PDE7A: variants seen among roughly 807,000 people sequenced by gnomAD.
PDE7A encodes high affinity 3',5'-cyclic-AMP phosphodiesterase 7A.
A neutral mutation model predicts 64.3 loss-of-function variants in PDE7A; 39 were observed. That is an observed-to-expected ratio of 0.61 (90% CI 0.47 to 0.79). The LOEUF (loss-of-function observed/expected upper bound fraction) is 0.79, where lower values mean the gene tolerates loss of function less well. Among genes scored for constraint, PDE7A ranks in the 30% least tolerant of loss-of-function variants. The pLI, the probability that PDE7A is intolerant of heterozygous loss-of-function variation, is 0.00. For synonymous variants in PDE7A, 203 were observed against 206.8 expected, an observed-to-expected ratio of 0.98 and a Z score of 0.16; for missense variants, 470 against 582.8, an observed-to-expected ratio of 0.81 and a Z score of 1.99.
intron 2 of PDE7A, among the ~76,000 whole-genome samples, chr8:65,781,620 A>G (rs149866301): frequency 1.5e-3 from 230 of 152,272 alleles, no homozygotes; most frequent in African/African-American, 5.2e-3. Flanking sequence ...AAGAAATAGG[A>G]AGTAAAAAAA....
intron 12 of PDE7A, 151 bp downstream of exon 12, chr8:65,723,390 T>C: frequency 1.4e-6 from 1 of 704,590 alleles, no homozygotes; most frequent in Non-Finnish European, 2.0e-6. Flanking sequence ...AGAAGAGCCA[T>C]AACAAGGGAA....
rs1806089391 is a variant in PDE7A, at chr8:65,715,351, CAA to C, written c.*3937_*3938del. ...AAGAGTTCAAGACCAGCCAAGCCAA[CAA>C]AGAGAGACCCTGTCTCTATAAAAAA... On this transcript the variant is annotated 3_prime_UTR_variant, in exon 13 of 13. Coordinates refer to ENST00000401827, the MANE Select transcript of PDE7A (RefSeq NM_001242318.3). Among the ~76,000 whole-genome samples, 1 of 149,888 alleles carries C rather than the reference CAA, an allele frequency of 6.7e-6. No homozygotes were observed. Among genetic ancestry groups the C allele is most frequent in the Non-Finnish European group, 1.5e-5 (1 of 67,538 alleles).
At chr8:65,831,757 G>T (rs1366230604) in intron 1 of PDE7A, among the ~76,000 whole-genome samples, 1 of 152,104 alleles carries the variant, frequency 6.6e-6, no homozygotes, top group African/African-American at 2.4e-5. Context: ...AACAGTCACT[G>T]GTTGAGAATT....
chr8:65,816,663 T>A (rs1297044489), intron 1 of PDE7A, among the ~76,000 whole-genome samples: 1 of 152,254 alleles, frequency 6.6e-6, no homozygotes, highest in Non-Finnish European at 1.5e-5. Flanking sequence ...TTTGAATATG[T>A]CACCCCACTG....
intron 1 of PDE7A, among the ~76,000 whole-genome samples, chr8:65,791,786 T>G (rs991642230): frequency 1.2e-4 from 18 of 152,236 alleles, no homozygotes; most frequent in African/African-American, 4.3e-4. Flanking sequence ...ATGACACATT[T>G]ACATCACTCA....
chr8:65,828,721 T>G (rs943539972), intron 1 of PDE7A, among the ~76,000 whole-genome samples: 3 of 152,146 alleles, frequency 2.0e-5, no homozygotes, highest in Non-Finnish European at 4.4e-5. Flanking sequence ...ATAAGATTAC[T>G]CATTTTCTTA....
At chr8:65,751,784 G>C (rs939052352) in intron 3 of PDE7A, among the ~76,000 whole-genome samples, 18 of 152,098 alleles carry the variant, frequency 1.2e-4, no homozygotes, top group African/African-American at 4.1e-4. Flanking sequence ...GAGCCACTGC[G>C]CCCAGCCCTT....
intron 1 of PDE7A, among the ~76,000 whole-genome samples, chr8:65,784,720 C>T (rs994378311): frequency 6.6e-6 from 1 of 151,528 alleles, no homozygotes; most frequent in Admixed American, 6.6e-5. Context: ...CCTCTACTAT[C>T]CTCCCACCAA....
At chr8:65,802,194 A>G (rs962269935) in intron 1 of PDE7A, among the ~76,000 whole-genome samples, 3 of 152,170 alleles carry the variant, frequency 2.0e-5, no homozygotes, top group African/African-American at 4.8e-5. Flanking sequence ...ATAGCAAGTT[A>G]TTGTTTAAGG....
chr8:65,817,743 T>A (rs1263902995), intron 1 of PDE7A, among the ~76,000 whole-genome samples: 1 of 134,520 alleles, frequency 7.4e-6, no homozygotes, highest in African/African-American at 2.7e-5. Flanking sequence ...TCTCATCATA[T>A]CAAGGAGTGT....
intron 1 of PDE7A, among the ~76,000 whole-genome samples, chr8:65,834,579 C>T (rs1286844891): frequency 6.6e-6 from 1 of 152,194 alleles, no homozygotes; most frequent in Non-Finnish European, 1.5e-5. Context: ...TCCTGAACTA[C>T]ACTTTGTTCT....
At chr8:65,830,200 A>G (rs1810780990) in intron 1 of PDE7A, among the ~76,000 whole-genome samples, 1 of 152,018 alleles carries the variant, frequency 6.6e-6, no homozygotes, top group South Asian at 2.1e-4. Flanking sequence ...TCATGTTGAG[A>G]AAGTTAATTA....
chr8:65,809,529 T>C (rs184190205), intron 1 of PDE7A, among the ~76,000 whole-genome samples: 6 of 152,264 alleles, frequency 3.9e-5, no homozygotes, highest in Non-Finnish European at 7.4e-5. Flanking sequence ...GTAAGAAATA[T>C]TGCTGTAAAA....
At chr8:65,751,767 C>G (rs1248399238) in intron 3 of PDE7A, among the ~76,000 whole-genome samples, 2 of 152,232 alleles carry the variant, frequency 1.3e-5, no homozygotes, top group Non-Finnish European at 2.9e-5. Flanking sequence ...GCTGGGATTA[C>G]AGGCGTGAGC....
intron 1 of PDE7A, among the ~76,000 whole-genome samples, chr8:65,816,449 C>A (rs1810404754): frequency 6.6e-6 from 1 of 152,180 alleles, no homozygotes; most frequent in African/African-American, 2.4e-5. Flanking sequence ...CAGTGCTCTT[C>A]ATTTCTTCCT....
chr8:65,784,843 T>A (rs1489604062), intron 1 of PDE7A, among the ~76,000 whole-genome samples: 1 of 151,974 alleles, frequency 6.6e-6, no homozygotes, highest in Non-Finnish European at 1.5e-5. Context: ...TATAAAAAAA[T>A]GCTTGACTTC....
chr8:65,725,626 A>G (rs1016696975), intron 9 of PDE7A: 2 of 152,206 alleles, frequency 1.3e-5, no homozygotes, highest in Non-Finnish European at 2.9e-5. Flanking sequence ...TTAATGGGCC[A>G]TAGCAAATAC....
intron 1 of PDE7A, among the ~76,000 whole-genome samples, chr8:65,786,777 G>T (rs370300032): frequency 6.6e-6 from 1 of 152,124 alleles, no homozygotes; most frequent in African/African-American, 2.4e-5. Flanking sequence ...GCTTCTACTC[G>T]TGACTTTTCT....
chr8:65,731,551 T>C (rs1029364207), intron 7 of PDE7A: 1 of 152,206 alleles, frequency 6.6e-6, no homozygotes, highest in Non-Finnish European at 1.5e-5. Context: ...CTGACAACTA[T>C]GAATGTTACC....
Sources: allele counts gnomAD v4.1 joint callset (sites outside exome capture counted in the v4.1 genomes callset), GRCh38; gene constraint gnomAD v4.1.1; transcripts MANE v1.5; gene names NCBI Gene and HGNC (gene_info 2026-07-23, HGNC 2026-07-21).